Variants in ZNF892 observed in about 807,000 individuals in gnomAD.
ZNF892 encodes zinc finger protein 892, also known as zinc finger protein 570-like.
At chr2:95,221,588 A>T in the ZNF892 span, among the ~76,000 whole-genome samples, 1 of 152,254 alleles carries the variant, frequency 6.6e-6, no homozygotes, top group East Asian at 1.9e-4. Flanking sequence ...TCTTCTAGAA[A>T]GTTGTAGGTT....
the ZNF892 span, among the ~76,000 whole-genome samples, chr2:95,210,185 GTATATGTGTATATATGTA>G: frequency 6.5e-3 from 958 of 147,624 alleles, 30 homozygotes; most frequent in South Asian, 0.091. Flanking sequence ...GTGTATATAT[GTATATGTGTATATATGTA>G]TATATGTGTA....
chr2:95,240,140 T>C, the ZNF892 span, among the ~76,000 whole-genome samples: 1 of 152,172 alleles, frequency 6.6e-6, no homozygotes, highest in Non-Finnish European at 1.5e-5. Flanking sequence ...AGACTTTATT[T>C]AGAATTTGGT....
the ZNF892 span, among the ~76,000 whole-genome samples, chr2:95,243,871 G>A: frequency 6.6e-6 from 1 of 152,228 alleles, no homozygotes; most frequent in Non-Finnish European, 1.5e-5. Context: ...AACGGGCCAT[G>A]ATGACAATGG....
the ZNF892 span, among the ~76,000 whole-genome samples, chr2:95,245,716 C>T: frequency 1.2e-4 from 18 of 151,576 alleles, no homozygotes; most frequent in Admixed American, 5.9e-4. Flanking sequence ...ATACAAACAA[C>T]GATCAAGAAT....
the ZNF892 span, among the ~76,000 whole-genome samples, chr2:95,220,793 G>T: frequency 2.0e-5 from 3 of 152,136 alleles, no homozygotes; most frequent in African/African-American, 4.8e-5. Flanking sequence ...TATAAATTGA[G>T]GAAACACCAG....
the ZNF892 span, among the ~76,000 whole-genome samples, chr2:95,243,544 G>A: frequency 6.8e-4 from 98 of 144,680 alleles, no homozygotes; most frequent in African/African-American, 2.3e-3. Context: ...CGGCCGCCCC[G>A]TCTGAGAAGT....
At chr2:95,252,234 C>G in the ZNF892 span, among the ~76,000 whole-genome samples, 1 of 133,976 alleles carries the variant, frequency 7.5e-6, no homozygotes, top group African/African-American at 2.7e-5. Flanking sequence ...ATCCCTCCCC[C>G]CTCCCCCCAC....
the ZNF892 span, among the ~76,000 whole-genome samples, chr2:95,248,176 T>A: frequency 3.9e-5 from 6 of 152,290 alleles, no homozygotes; most frequent in South Asian, 1.0e-3. Context: ...TAAAATTATG[T>A]CCTTCGCAGC....
At chr2:95,235,361 C>CTT in the ZNF892 span, among the ~76,000 whole-genome samples, 3,816 of 132,056 alleles carry the variant, frequency 0.029, 188 homozygotes, top group African/African-American at 0.078. Flanking sequence ...TTCCAGTAAA[C>CTT]TTTTTTTTTT....
At chr2:95,240,986 C>G in the ZNF892 span, among the ~76,000 whole-genome samples, 1 of 152,218 alleles carries the variant, frequency 6.6e-6, no homozygotes, top group South Asian at 2.1e-4. Flanking sequence ...GTTATACGAA[C>G]AGAGCTCTGA....
chr2:95,243,469 C>T, the ZNF892 span, among the ~76,000 whole-genome samples: 2 of 151,616 alleles, frequency 1.3e-5, no homozygotes, highest in East Asian at 2.0e-4. Context: ...GGCCGCCCAT[C>T]GTCTGAGATG....
the ZNF892 span, among the ~76,000 whole-genome samples, chr2:95,230,257 A>G: frequency 6.6e-6 from 1 of 152,200 alleles, no homozygotes; most frequent in Admixed American, 6.5e-5. Flanking sequence ...AAGACTACAC[A>G]TTGGGTACAG....
the ZNF892 span, among the ~76,000 whole-genome samples, chr2:95,216,631 C>A: frequency 6.6e-6 from 1 of 151,848 alleles, no homozygotes; most frequent in East Asian, 1.9e-4. Context: ...ATATTTTTTT[C>A]ATTGAAACTT....
the ZNF892 span, among the ~76,000 whole-genome samples, chr2:95,243,692 G>A: frequency 9.5e-4 from 145 of 151,856 alleles, 1 homozygote; most frequent in African/African-American, 3.0e-3. Context: ...GTCTCCGCCC[G>A]GCAGCCACCC....
chr2:95,213,593 T>C, the ZNF892 span, among the ~76,000 whole-genome samples: 1 of 152,162 alleles, frequency 6.6e-6, no homozygotes, highest in East Asian at 1.9e-4. Context: ...CTTTCCTTTC[T>C]CTCTTTTTTC....
At chr2:95,221,366 G>A in the ZNF892 span, among the ~76,000 whole-genome samples, 1 of 152,098 alleles carries the variant, frequency 6.6e-6, no homozygotes. Flanking sequence ...TAATCATATG[G>A]TTCCTTTTAA....
At chr2:95,255,178 C>T in the ZNF892 span, among the ~76,000 whole-genome samples, 1 of 152,088 alleles carries the variant, frequency 6.6e-6, no homozygotes, top group Non-Finnish European at 1.5e-5. Flanking sequence ...GTTAGGGTGT[C>T]AATTTTAGAT....
chr2:95,246,431 C>T, the ZNF892 span, among the ~76,000 whole-genome samples: 9 of 152,300 alleles, frequency 5.9e-5, no homozygotes, highest in African/African-American at 1.7e-4. Flanking sequence ...AAGCTGGAAG[C>T]ACTCCCCTTG....
chr2:95,228,528 T>A, the ZNF892 span, among the ~76,000 whole-genome samples: 1 of 152,336 alleles, frequency 6.6e-6, no homozygotes, highest in East Asian at 1.9e-4. Context: ...TTGTCCAAAT[T>A]CTCTAGTTGT....
Sources: allele counts gnomAD v4.1 joint callset (sites outside exome capture counted in the v4.1 genomes callset), GRCh38; gene constraint gnomAD v4.1.1; transcripts MANE v1.5; gene names NCBI Gene and HGNC (gene_info 2026-07-23, HGNC 2026-07-21).